CCNY: variants seen among roughly 807,000 people sequenced by gnomAD.
CCNY encodes cyclin-Y.
A neutral mutation model predicts 42.8 loss-of-function variants in CCNY; 19 were observed. That is an observed-to-expected ratio of 0.44 (90% CI 0.31 to 0.65). CCNY has a LOEUF of 0.65. CCNY is among the 30% of genes least tolerant of loss of function. The pLI is 0.07. For synonymous variants in CCNY, 165 were observed against 162.7 expected (o/e 1.01, Z -0.11); for missense variants, 370 against 437.3 (o/e 0.85, Z 1.37).
intron 1 of CCNY, among the ~76,000 whole-genome samples, chr10:35,352,985 G>A (rs1291245032): frequency 6.6e-6 from 1 of 152,152 alleles, no homozygotes; most frequent in African/African-American, 2.4e-5. Flanking sequence ...GAGTGCAGTG[G>A]TGAGATCATA....
At chr10:35,435,160 GAA>G (rs2135285957) in intron 1 of CCNY, among the ~76,000 whole-genome samples, 1 of 152,306 alleles carries the variant, frequency 6.6e-6, no homozygotes, top group African/African-American at 2.4e-5. Flanking sequence ...CCAATAAACA[GAA>G]GAGGATGGTT....
intron 2 of CCNY, 84 bp from the exon 3 acceptor site, chr10:35,501,417 G>C: frequency 8.6e-7 from 1 of 1,165,806 alleles, no homozygotes; most frequent in Non-Finnish European, 1.3e-6. Context: ...ACGGGACCAC[G>C]ACACAGAGGC....
At chr10:35,298,830 G>T (rs1835501271) in intron 3 of CCNY, among the ~76,000 whole-genome samples, 1 of 152,072 alleles carries the variant, frequency 6.6e-6, no homozygotes, top group African/African-American at 2.4e-5. Context: ...CCTTGTTGTT[G>T]TTGTTTTTTT....
At chr10:35,336,419 C>T (rs1253625581), upstream of CCNY, 1 of 151,926 alleles carries the variant, frequency 6.6e-6, no homozygotes, top group East Asian at 1.9e-4. Context: ...GGCCGCCGAT[C>T]TGCTTCCAGG....
At chr10:35,498,197 C>G (rs1249673293) in intron 2 of CCNY, among the ~76,000 whole-genome samples, 1 of 152,150 alleles carries the variant, frequency 6.6e-6, no homozygotes, top group African/African-American at 2.4e-5. Context: ...ACCCAGCACC[C>G]AGGATTTTTA....
At chr10:35,369,383 A>G in intron 1 of CCNY, among the ~76,000 whole-genome samples, 1 of 152,184 alleles carries the variant, frequency 6.6e-6, no homozygotes, top group Middle Eastern at 3.2e-3. Context: ...TACATTTGCA[A>G]AGCTCCACAC....
chr10:35,552,384 A>G (rs1298867280), intron 7 of CCNY, among the ~76,000 whole-genome samples: 3 of 152,182 alleles, frequency 2.0e-5, no homozygotes, highest in East Asian at 3.9e-4. Context: ...TTATTATTTA[A>G]CGGGTATAGA....
chr10:35,262,707 G>C (rs1226848299), intron 3 of CCNY, among the ~76,000 whole-genome samples: 1 of 152,068 alleles, frequency 6.6e-6, no homozygotes, highest in Non-Finnish European at 1.5e-5. Flanking sequence ...TTGATATTGG[G>C]ACTGGGGAGT....
intron 1 of CCNY, among the ~76,000 whole-genome samples, chr10:35,405,500 G>A (rs915583420): frequency 3.3e-5 from 5 of 152,224 alleles, no homozygotes; most frequent in East Asian, 1.9e-4. Context: ...TAAGGGAGCC[G>A]GGCAGGTGGG....
At chr10:35,310,745 G>C (rs548103348) in intron 3 of CCNY, among the ~76,000 whole-genome samples, 1 of 152,010 alleles carries the variant, frequency 6.6e-6, no homozygotes, top group Admixed American at 6.6e-5. Flanking sequence ...ATTACTTTTT[G>C]AGCAGTCTTA....
chr10:35,546,212 A>G (rs909200310), intron 7 of CCNY, among the ~76,000 whole-genome samples: 3 of 152,370 alleles, frequency 2.0e-5, no homozygotes, highest in African/African-American at 7.2e-5. Flanking sequence ...GTACAGATTC[A>G]GACAATTAAC....
intron 1 of CCNY, among the ~76,000 whole-genome samples, chr10:35,458,862 T>C (rs980660477): frequency 6.6e-6 from 1 of 152,204 alleles, no homozygotes; most frequent in Admixed American, 6.5e-5. Flanking sequence ...AGGCTCCTCT[T>C]TGCATTCACT....
Position 35,337,149 on chromosome 10 carries a change from G to A in CCNY, c.96G>A (p.Leu32=), listed in dbSNP as rs964492026. The part of the protein sequence containing the change: ...RLESYRPDTD[L]SREDTGCNLQ... ...AGTCCTACCGGCCAGACACGGACCT[G>A]AGCCGCGAGGACACGGGCTGCAACC... The change falls in exon 1 of 10, where the codon CTG becomes CTA. Residue 32 remains leucine, a synonymous_variant. Transcript: ENST00000374704. 9.5e-6 allele frequency: 15 copies of A among 1,584,432 alleles called. No individual in the cohort carries two copies. The highest frequency in any genetic ancestry group is 1.3e-5 in the Non-Finnish European group (15 of 1,167,586).
chr10:35,441,921 A>G (rs1454449015), intron 1 of CCNY, among the ~76,000 whole-genome samples: 3 of 152,262 alleles, frequency 2.0e-5, no homozygotes, highest in Admixed American at 1.3e-4. Flanking sequence ...ATTTGGCTGT[A>G]TGATTTAAAA....
chr10:35,388,055 C>T (rs1837334733), intron 1 of CCNY, among the ~76,000 whole-genome samples: 1 of 152,180 alleles, frequency 6.6e-6, no homozygotes, highest in African/African-American at 2.4e-5. Flanking sequence ...GTTCCTTTAG[C>T]ATTTCAGAAT....
chr10:35,333,676 T>G (rs914385975), upstream of CCNY, among the ~76,000 whole-genome samples: 8 of 152,222 alleles, frequency 5.3e-5, no homozygotes, highest in Non-Finnish European at 1.2e-4. Flanking sequence ...GGGGTATAAC[T>G]TAATCAGATT....
At position 35,436,983 on chromosome 10, in the gene CCNY, C is replaced by T. The variant is rs150060313; in HGVS notation, c.155-46421C>T. Among the ~76,000 whole-genome samples, 8 of 152,180 alleles carry T rather than the reference C, an allele frequency of 5.3e-5. No homozygotes were observed. The East Asian group carries it at 9.6e-4, about 18-fold the overall frequency. On this transcript the variant is annotated intron_variant, in intron 1 of 9. Transcript: ENST00000374704. The stretch of plus-strand genomic sequence containing the variant: ...GGCTGGAGAGGCCTGACAATCATGG[C>T]GGAAGGCGGAAGACATGTCTTACGT...
intron 1 of CCNY, among the ~76,000 whole-genome samples, chr10:35,456,851 C>T (rs1000032584): frequency 2.0e-5 from 3 of 151,952 alleles, no homozygotes; most frequent in East Asian, 1.9e-4. Context: ...TGAACTTGGC[C>T]GTCAGGAATC....
intron 1 of CCNY, among the ~76,000 whole-genome samples, chr10:35,412,682 C>T (rs1292153010): frequency 1.4e-5 from 2 of 143,152 alleles, no homozygotes; most frequent in Non-Finnish European, 3.0e-5. Context: ...GAAACTCTGT[C>T]TCTACTAAAA....
Sources: allele counts gnomAD v4.1 joint callset (sites outside exome capture counted in the v4.1 genomes callset), GRCh38; gene constraint gnomAD v4.1.1; transcripts MANE v1.5; gene names NCBI Gene and HGNC (gene_info 2026-07-23, HGNC 2026-07-21).